Variants in PRKAG2 observed in about 807,000 individuals in gnomAD.
PRKAG2 encodes the protein protein kinase AMP-activated non-catalytic subunit gamma 2, also known as 5'-AMP-activated protein kinase subunit gamma-2.
PRKAG2 carries 26 observed loss-of-function variants against 69.6 expected under a neutral mutation model. That is an observed-to-expected ratio of 0.37 (90% confidence interval 0.27 to 0.52). PRKAG2 has a LOEUF of 0.52. Among genes scored for constraint, PRKAG2 ranks in the 20% least tolerant of loss-of-function variants. The pLI, the probability that PRKAG2 is intolerant of heterozygous loss-of-function variation, is 0.90. For synonymous variants in PRKAG2, 293 were observed against 285.0 expected, an observed-to-expected ratio of 1.03 and a Z score of -0.28; for missense variants, 557 against 740.0, an observed-to-expected ratio of 0.75 and a Z score of 2.87.
At chr7:151,594,628 C>G (rs1294181442) in intron 6 of PRKAG2, among the ~76,000 whole-genome samples, 1 of 152,104 alleles carries the variant, frequency 6.6e-6, no homozygotes, top group East Asian at 1.9e-4. Context: ...ATCATATGTT[C>G]TACTAAATAA....
At chr7:151,715,104 C>T (rs1479418972) in intron 3 of PRKAG2, among the ~76,000 whole-genome samples, 12 of 145,586 alleles carry the variant, frequency 8.2e-5, no homozygotes, top group Admixed American at 2.0e-4. Context: ...CAACCTCCGC[C>T]TCCTAGGTTC....
intron 3 of PRKAG2, among the ~76,000 whole-genome samples, chr7:151,755,703 C>T (rs1050674836): frequency 5.4e-4 from 82 of 152,260 alleles, no homozygotes; most frequent in African/African-American, 1.5e-3. Context: ...ACGTGGCCTT[C>T]GAAGTCTAAG....
rs769212614 is a variant in PRKAG2 at position 151,570,175 on chromosome 7, C to A, written c.1102G>T (p.Ala368Ser). The A allele has an allele frequency of 3.1e-6, 5 of 1,599,698 alleles. No homozygotes were observed. Among genetic ancestry groups the A allele is most frequent in the Non-Finnish European group, 4.3e-6 (5 of 1,171,492 alleles). Residue 368 changes from alanine to serine, a missense_variant, in exon 10 of 16, where the codon GCA (alanine) becomes TCA (serine). Around this residue, in one of 2 missense-constraint regions of PRKAG2, gnomAD observed 205 missense variants for 383.4 expected, o/e 0.53. Transcript: ENST00000287878. The part of the protein sequence containing the change: ...FKPLVNISPD[A>S]SLFDAVYSLI... ...AGAAAAAAAAAACAAGTTTACCTTG[C>A]ATCTGGAGATATATTCACTAAAGGC...
At chr7:151,617,839 T>A (rs1820545992) in intron 5 of PRKAG2, among the ~76,000 whole-genome samples, 1 of 152,206 alleles carries the variant, frequency 6.6e-6, no homozygotes, top group South Asian at 2.1e-4. Flanking sequence ...CTGAATTTCA[T>A]TATAATTCCA....
rs879181311 is a variant in PRKAG2, at chr7:151,782,384, G to GGAAA, written c.187-954_187-953insTTTC. Among the ~76,000 whole-genome samples, 330 of 49,584 alleles carry GGAAA rather than the reference G, an allele frequency of 6.7e-3. 5 individuals carry two copies. Among genetic ancestry groups the GGAAA allele is most frequent in the African/African-American group, 0.015 (284 of 18,488 alleles). The allele number at this position is 49,584 out of a possible 152,430, so 32.5% of individuals were successfully genotyped here. ...GGGAGGGAGGGAGGGAAGGAAAGAA[G>GGAAA]GAAGGAAGGAAGGAAGGAAGGAAGG... On this transcript the variant is annotated intron_variant, in intron 2 of 15. Coordinates refer to ENST00000287878, the MANE Select transcript of PRKAG2 (RefSeq NM_016203.4).
At chr7:151,690,748 A>C (rs561551887) in intron 3 of PRKAG2, among the ~76,000 whole-genome samples, 2 of 152,336 alleles carry the variant, frequency 1.3e-5, no homozygotes, top group South Asian at 4.1e-4. Context: ...AGCTAAGCTC[A>C]TCTTCTGTGA....
chr7:151,567,984 C>T lies in PRKAG2; in HGVS notation c.1233+732G>A, dbSNP rs558949855. 3.3e-5 allele frequency among the ~76,000 whole-genome samples: 5 copies of T among 152,298 alleles called. No individual in the cohort carries two copies. The South Asian group carries it at 1.0e-3, about 32-fold the overall frequency. Reference sequence around the variant, plus strand: ...CTTGGAAAAACAACTCTTCAAAGTACCTCTTCAGAACGATTAAGACCTTCT... The same window carrying T: ...CTTGGAAAAACAACTCTTCAAAGTATCTCTTCAGAACGATTAAGACCTTCT... On this transcript the variant is annotated intron_variant, in intron 11 of 15. Transcript: ENST00000287878. The surrounding 1 kb of genome is among the most constrained non-coding windows in gnomAD (Gnocchi z 4.2).
intron 6 of PRKAG2, among the ~76,000 whole-genome samples, chr7:151,593,097 T>C (rs1002503303): frequency 6.6e-6 from 1 of 152,258 alleles, no homozygotes; most frequent in Non-Finnish European, 1.5e-5. Flanking sequence ...TTTCATGTAT[T>C]ACTCACTTGA....
At chr7:151,806,833 G>A in intron 1 of PRKAG2, 1 of 374,938 alleles carries the variant, frequency 2.7e-6, no homozygotes. Flanking sequence ...TGGGCGTGTT[G>A]GTGCATGCTG....
chr7:151,605,598 A>G (rs183490788), intron 5 of PRKAG2, among the ~76,000 whole-genome samples: 1,812 of 151,678 alleles, frequency 0.012, 27 homozygotes, highest in African/African-American at 0.041. Context: ...TTAGCTGTGC[A>G]TAGTGGTGCA....
At chr7:151,868,090 C>T (rs1484494379) in intron 1 of PRKAG2, among the ~76,000 whole-genome samples, 1 of 152,198 alleles carries the variant, frequency 6.6e-6, no homozygotes, top group African/African-American at 2.4e-5. Context: ...CAGAGTATAT[C>T]AAAACACAGA....
intron 5 of PRKAG2, among the ~76,000 whole-genome samples, chr7:151,629,599 A>G (rs930684034): frequency 1.4e-4 from 22 of 152,262 alleles, no homozygotes; most frequent in African/African-American, 4.8e-4. Flanking sequence ...TAGGCAGGGT[A>G]GAACTCAATC....
intron 1 of PRKAG2, among the ~76,000 whole-genome samples, chr7:151,844,440 G>A (rs1563748568): frequency 6.6e-6 from 1 of 152,164 alleles, no homozygotes; most frequent in East Asian, 1.9e-4. Flanking sequence ...AGGCAGAGGT[G>A]GGAAGGAACG....
At chr7:151,773,201 AGAAAGAAAG>A (rs1473621022) in intron 3 of PRKAG2, among the ~76,000 whole-genome samples, 3 of 150,398 alleles carry the variant, frequency 2.0e-5, no homozygotes, top group Admixed American at 6.6e-5. Context: ...AAAGAAGGAA[AGAAAGAAAG>A]GAAAGAAAGG....
intron 1 of PRKAG2, among the ~76,000 whole-genome samples, chr7:151,786,827 G>T (rs951498261): frequency 6.6e-6 from 1 of 152,208 alleles, no homozygotes; most frequent in Non-Finnish European, 1.5e-5. Flanking sequence ...AGTCAGGAAG[G>T]CAGGCAGAAA....
intron 3 of PRKAG2, among the ~76,000 whole-genome samples, chr7:151,769,072 G>A (rs941531335): frequency 2.0e-5 from 3 of 152,252 alleles, no homozygotes; most frequent in Admixed American, 6.5e-5. Flanking sequence ...CCAAAGGGCT[G>A]TGTCAGCTGT....
At chr7:151,875,568 T>A (rs1320410254) in intron 1 of PRKAG2, among the ~76,000 whole-genome samples, 1 of 48,518 alleles carries the variant, frequency 2.1e-5, no homozygotes, top group African/African-American at 7.3e-5. Flanking sequence ...CTCTGGTGTG[T>A]GTGTGTGTGT....
intron 3 of PRKAG2, among the ~76,000 whole-genome samples, chr7:151,712,132 C>T (rs1178533785): frequency 6.6e-6 from 1 of 152,244 alleles, no homozygotes; most frequent in African/African-American, 2.4e-5. Flanking sequence ...GTACGTGCAT[C>T]ACGTGGTGTA....
intron 14 of PRKAG2, among the ~76,000 whole-genome samples, chr7:151,562,244 CAAAAAAAAAA>C (rs575674668): frequency 5.2e-5 from 2 of 38,456 alleles, no homozygotes; most frequent in African/African-American, 6.3e-5. Flanking sequence ...GACTTTGTCT[CAAAAAAAAAA>C]AAAAAAAAAA....
Sources: gnomAD v4.1 joint callset for allele counts (sites outside exome capture counted in the v4.1 genomes callset) on GRCh38, gnomAD v4.1.1 for gene constraint, gnomAD v4.1.1 regional missense constraint, Gnocchi (gnomAD v3.1) non-coding constraint, MANE v1.5 for transcripts, NCBI Gene and HGNC (gene_info 2026-07-23, HGNC 2026-07-21) for gene names.